Variants in ZBTB7C observed in about 807,000 individuals in gnomAD.
ZBTB7C encodes the protein zinc finger and BTB domain containing 7C.
Under a neutral mutation model 25.7 loss-of-function variants are expected in ZBTB7C, and 8 were observed. The ratio of observed to expected loss-of-function variants is 0.31; its 90% CI spans 0.18 to 0.56. The LOEUF (loss-of-function observed/expected upper bound fraction) is 0.56, where lower values mean the gene tolerates loss of function less well. Ranked by LOEUF, ZBTB7C falls within the 20% of genes least tolerant of loss-of-function variation. ZBTB7C has a pLI of 0.91. For synonymous variants in ZBTB7C, 394 were observed against 369.0 expected (o/e 1.07, Z -0.78); for missense variants, 824 against 855.2 (o/e 0.96, Z 0.46).
At chr18:48,396,644 G>A (rs2048033803) in intron 1 of ZBTB7C, among the ~76,000 whole-genome samples, 1 of 152,190 alleles carries the variant, frequency 6.6e-6, no homozygotes, top group South Asian at 2.1e-4. Context: ...TTTGAATGAG[G>A]TCCTTGAATC....
chr18:48,186,802 G>T (rs2042067349), intron 2 of ZBTB7C, among the ~76,000 whole-genome samples: 1 of 152,158 alleles, frequency 6.6e-6, no homozygotes, highest in African/African-American at 2.4e-5. Context: ...GGACAGGAGG[G>T]GAGACTGTTA....
chr18:48,141,144 C>CCG lies in ZBTB7C; in HGVS notation c.-17+44789_-17+44790insCG, dbSNP rs199581000. On this transcript the variant is annotated intron_variant, in intron 3 of 4. Coordinates refer to ENST00000590800, the MANE Select transcript of ZBTB7C (RefSeq NM_001318841.2). ...ATCACAGATAGGCATCCCCCCCGCACCACCCCCCCCACTGTTCCTTCTCCT... is the reference window on the plus strand; with the variant it reads ...ATCACAGATAGGCATCCCCCCCGCACCGCACCCCCCCCACTGTTCCTTCTCCT... 1.2e-3 allele frequency among the ~76,000 whole-genome samples: 70 copies of CCG among 59,030 alleles called. 1 individual carries two copies. The highest frequency in any genetic ancestry group is 7.1e-3 in the Middle Eastern group (1 of 140). 38.7% of individuals were successfully genotyped at this position (59,030 alleles called of 152,430 possible).
intron 1 of ZBTB7C, among the ~76,000 whole-genome samples, chr18:48,359,214 C>T (rs2047047256): frequency 6.6e-6 from 1 of 152,166 alleles, no homozygotes; most frequent in Non-Finnish European, 1.5e-5. Flanking sequence ...AACTCACACG[C>T]ACAGCCACCC....
At chr18:48,068,678 G>GA (rs889855226) in intron 3 of ZBTB7C, among the ~76,000 whole-genome samples, 1 of 152,090 alleles carries the variant, frequency 6.6e-6, no homozygotes, top group African/African-American at 2.4e-5. Context: ...GAGCTTACTA[G>GA]AAATGCAAAT....
chr18:48,149,537 G>C (rs1165409460), intron 3 of ZBTB7C: 2 of 152,190 alleles, frequency 1.3e-5, no homozygotes, highest in African/African-American at 4.8e-5. Flanking sequence ...TAGTGGGTCA[G>C]AACAATGACC....
intron 3 of ZBTB7C, chr18:48,148,905 A>T (rs200858004): frequency 6.6e-6 from 1 of 152,354 alleles, no homozygotes; most frequent in East Asian, 1.9e-4. Flanking sequence ...AGTGGCTGTG[A>T]AGAGAAATTT....
At chr18:48,085,525 C>G (rs2038160326) in intron 3 of ZBTB7C, among the ~76,000 whole-genome samples, 1 of 152,150 alleles carries the variant, frequency 6.6e-6, no homozygotes, top group African/African-American at 2.4e-5. Context: ...TGACTCTGAG[C>G]AAGTGACTGA....
intron 2 of ZBTB7C, among the ~76,000 whole-genome samples, chr18:48,245,986 A>G (rs2043680428): frequency 6.6e-6 from 1 of 152,252 alleles, no homozygotes; most frequent in African/African-American, 2.4e-5. Flanking sequence ...CCTAAATGGA[A>G]TCATATAGCT....
At chr18:48,293,237 C>T (rs1374349679) in intron 2 of ZBTB7C, among the ~76,000 whole-genome samples, 1 of 152,228 alleles carries the variant, frequency 6.6e-6, no homozygotes, top group African/African-American at 2.4e-5. Flanking sequence ...ATTTCCGTTA[C>T]TGCTCATGTC....
rs369829020 is a variant in ZBTB7C, at chr18:48,328,725, G to A, written c.-79+9449C>T. Among the ~76,000 whole-genome samples the A allele has an allele frequency of 2.4e-4, 36 of 152,200 alleles. 1 individual carries two copies. In the East Asian group the frequency reaches 4.1e-3, roughly 17 times the overall value. ...GTCTTGTACTCTTTCCATATACCAC[G>A]TAGCCTTAAAATGAGTGTATTTTTA... On this transcript the variant is annotated intron_variant, in intron 2 of 4. Transcript: ENST00000590800.
chr18:48,341,326 T>C (rs2046594862), intron 1 of ZBTB7C, among the ~76,000 whole-genome samples: 2 of 152,244 alleles, frequency 1.3e-5, no homozygotes, highest in African/African-American at 2.4e-5. Context: ...GATGTAGCCC[T>C]GGCTCGGTCT....
Position 48,304,841 on chromosome 18 carries a change from C to CAAAA in ZBTB7C, c.-79+33329_-79+33332dup, listed in dbSNP as rs35398428. ...GCACAATGGGAGCCAGGCTCTACCT[C>CAAAA]AAAAAAAAAAAAAAAAAAAAAAGAT... On this transcript the variant is annotated intron_variant, in intron 2 of 4. Transcript: ENST00000590800. 2.5e-4 allele frequency among the ~76,000 whole-genome samples: 23 copies of CAAAA among 90,326 alleles called. 1 individual carries two copies. The highest frequency in any genetic ancestry group is 5.9e-4 in the African/African-American group (14 of 23,588). 59.3% of individuals were successfully genotyped at this position (90,326 alleles called of 152,430 possible). A position where few individuals can be genotyped will look rare whatever the true frequency, so the allele number is the denominator to read the frequency against.
intron 3 of ZBTB7C, among the ~76,000 whole-genome samples, chr18:48,176,558 G>A (rs1320061640): frequency 1.3e-5 from 2 of 152,040 alleles, no homozygotes; most frequent in Non-Finnish European, 2.9e-5. Flanking sequence ...CTATCCTTGG[G>A]AAACACATGC....
intron 2 of ZBTB7C, among the ~76,000 whole-genome samples, chr18:48,189,641 C>T (rs905232436): frequency 6.6e-6 from 1 of 152,120 alleles, no homozygotes; most frequent in Non-Finnish European, 1.5e-5. Context: ...TTCCAGGTGC[C>T]CCTCGCCTTG....
At chr18:48,327,869 C>A (rs987277925) in intron 2 of ZBTB7C, among the ~76,000 whole-genome samples, 1 of 151,666 alleles carries the variant, frequency 6.6e-6, no homozygotes, top group Non-Finnish European at 1.5e-5. Flanking sequence ...TTACAGAAAA[C>A]CATGTTATAA....
intron 2 of ZBTB7C, among the ~76,000 whole-genome samples, chr18:48,300,366 T>C (rs1266691688): frequency 6.6e-6 from 1 of 152,102 alleles, no homozygotes; most frequent in Non-Finnish European, 1.5e-5. Flanking sequence ...GAAACAGAGC[T>C]TTACTAGCAG....
At chr18:48,070,646 C>T (rs1229354041) in intron 3 of ZBTB7C, among the ~76,000 whole-genome samples, 1 of 152,226 alleles carries the variant, frequency 6.6e-6, no homozygotes, top group Non-Finnish European at 1.5e-5. Flanking sequence ...ACTCCCCATT[C>T]ATTGCTCCCT....
intron 1 of ZBTB7C, among the ~76,000 whole-genome samples, chr18:48,389,796 G>A (rs1003553281): frequency 6.6e-6 from 1 of 152,232 alleles, no homozygotes; most frequent in Non-Finnish European, 1.5e-5. Context: ...AGGCACGATT[G>A]AATGTGAAGA....
intron 2 of ZBTB7C, among the ~76,000 whole-genome samples, chr18:48,202,984 G>C (rs2042491010): frequency 6.6e-6 from 1 of 151,846 alleles, no homozygotes. Flanking sequence ...TACCCTGCTT[G>C]CCATTCATCC....
Sources: allele counts gnomAD v4.1 joint callset (sites outside exome capture counted in the v4.1 genomes callset), GRCh38; gene constraint gnomAD v4.1.1; transcripts MANE v1.5; gene names NCBI Gene and HGNC (gene_info 2026-07-23, HGNC 2026-07-21).